Variants in NADK observed in about 807,000 individuals in gnomAD.
The protein encoded by NADK is NAD kinase.
In NADK, 22 loss-of-function variants were observed where a neutral mutation model predicts 49.8. The ratio of observed to expected loss-of-function variants is 0.44; its 90% CI spans 0.32 to 0.63. NADK has a LOEUF of 0.63. Ranked by LOEUF, NADK falls within the 30% of genes least tolerant of loss-of-function variation. NADK has a pLI of 0.06. For missense variants in NADK, 438 were observed against 609.4 expected, an observed-to-expected ratio of 0.72 and a Z score of 2.96; for synonymous variants, 268 against 253.7, an observed-to-expected ratio of 1.06 and a Z score of -0.54.
intron 3 of NADK, among the ~76,000 whole-genome samples, 184 bp from the exon 4 acceptor site, chr1:1,757,494 T>C (rs1310795877): frequency 6.7e-6 from 1 of 150,314 alleles, no homozygotes. Flanking sequence ...CAGGGGTCAG[T>C]AGGGTCCGGA....
At chr1:1,753,796 G>A (rs544389116) in intron 10 of NADK, 147 bp from the exon 11 acceptor site, 16 of 828,658 alleles carry the variant, frequency 1.9e-5, no homozygotes, top group South Asian at 1.2e-4. Flanking sequence ...TACAGGCACC[G>A]GCCCAGCTCA....
chr1:1,752,968 T>A lies in NADK; in HGVS notation c.1277A>T (p.His426Leu). The change falls in exon 12 of 12, where the codon CAT becomes CTT. Residue 426 changes from histidine (H) to leucine (L), a missense_variant. Physicochemically the swap from His to Leu is moderately conservative, Grantham distance 99. Coordinates refer to ENST00000341426, the MANE Select transcript of NADK (RefSeq NM_023018.5). Reference sequence around the variant, plus strand: ...GGCTTGCTTCTTCCGGACGTTCCAATGCAGGCACTGGGCGAGGCTCTCAAA... The same window carrying A: ...GGCTTGCTTCTTCCGGACGTTCCAAAGCAGGCACTGGGCGAGGCTCTCAAA... ...DWFESLAQCL[H>L]WNVRKKQAHF... 1 of 1,601,192 alleles carries A rather than the reference T, an allele frequency of 6.2e-7. No homozygotes were observed. Among genetic ancestry groups the A allele is most frequent in the Non-Finnish European group, 8.5e-7 (1 of 1,174,388 alleles).
chr1:1,771,550 C>T (rs1294585226), intron 1 of NADK, among the ~76,000 whole-genome samples: 2 of 152,262 alleles, frequency 1.3e-5, no homozygotes, highest in South Asian at 2.1e-4. Flanking sequence ...GGAAACAGGA[C>T]GGCCAGCCCA....
chr1:1,755,628 G>T (rs368225031), intron 6 of NADK, 152 bp from the exon 7 acceptor site: 1 of 655,532 alleles, frequency 1.5e-6, no homozygotes, highest in African/African-American at 1.8e-5. Flanking sequence ...AGCGGAGGGG[G>T]ACGTCGCAGG....
Position 1,753,556 on chromosome 1 carries a change from G to A in NADK, c.1184+11C>T, listed in dbSNP as rs1447652932. The A allele has an allele frequency of 7.5e-6, 12 of 1,608,480 alleles. No homozygotes were observed. The highest frequency in any genetic ancestry group is 1.3e-5 in the African/African-American group (1 of 74,856). On this transcript the variant is annotated intron_variant, in intron 11 of 11. Coordinates refer to ENST00000341426, the MANE Select transcript of NADK (RefSeq NM_023018.5). ...TGGCAGGCAGCGCCCAGCCCGGCAT[G>A]CAGCCCACACCTGTCTCCATGGCGG...
At chr1:1,779,300 T>C (rs1029760433), upstream of NADK, 4 of 152,362 alleles carry the variant, frequency 2.6e-5, no homozygotes, top group Non-Finnish European at 2.9e-5. Flanking sequence ...GTAGTGTTTG[T>C]TGGAACTGCG....
intron 3 of NADK, chr1:1,758,282 C>T (rs1293511590): frequency 2.7e-6 from 4 of 1,495,532 alleles, no homozygotes; most frequent in Non-Finnish European, 3.6e-6. Context: ...CCCCCAGAAC[C>T]ACAACACAGA....
At chr1:1,776,581 C>T (rs554409466) in intron 1 of NADK, among the ~76,000 whole-genome samples, 1 of 152,158 alleles carries the variant, frequency 6.6e-6, no homozygotes, top group East Asian at 1.9e-4. Context: ...CGAGACAAGC[C>T]TGGCCAACAC....
At chr1:1,766,954 G>A (rs777766896) in intron 1 of NADK, among the ~76,000 whole-genome samples, 31 of 151,050 alleles carry the variant, frequency 2.1e-4, no homozygotes, top group Non-Finnish European at 3.7e-4. Context: ...TCACTCTGTC[G>A]CCCACGCTGG....
intron 1 of NADK, among the ~76,000 whole-genome samples, chr1:1,774,623 C>T (rs1156470025): frequency 1.3e-5 from 2 of 151,704 alleles, no homozygotes; most frequent in Non-Finnish European, 2.9e-5. Context: ...CACCATTGTG[C>T]CTCGGCCTCC....
rs1295981308 is a variant in NADK, at chr1:1,778,308, C to G, written c.-60G>C. 2 of 151,332 alleles carry G rather than the reference C, an allele frequency of 1.3e-5. No homozygotes were observed. The allele number at this position is 151,332 out of a possible 1,614,324, so 9.4% of individuals were successfully genotyped here. On this transcript the variant is annotated 5_prime_UTR_variant, in exon 1 of 12. Transcript: ENST00000341426. The surrounding 1 kb of genome is among the most constrained non-coding windows in gnomAD (Gnocchi z 4.9). ...ACTCACCGTTCGCTGCCGCGGGCGC[C>G]TGCGGGGGCGTCTACATGCCGGACC...
At chr1:1,765,537 AG>A in intron 1 of NADK, 91 bp from the exon 2 acceptor site, 2 of 645,930 alleles carry the variant, frequency 3.1e-6, no homozygotes, top group Non-Finnish European at 4.7e-6. Flanking sequence ...CATTTCATCA[AG>A]GGGAAAAAAT....
At chr1:1,755,908 A>C in intron 6 of NADK, 1 of 468,892 alleles carries the variant, frequency 2.1e-6, no homozygotes, top group East Asian at 3.8e-5. Flanking sequence ...GTGGCCCTAC[A>C]GCCCCAGGGG....
At chr1:1,753,512 C>A in intron 11 of NADK, 55 bp downstream of exon 11, 1 of 1,499,748 alleles carries the variant, frequency 6.7e-7, no homozygotes. Flanking sequence ...GCAGGCGCTG[C>A]CTGGCCCGGG....
At chr1:1,759,002 G>A in intron 3 of NADK, 1 of 1,384,332 alleles carries the variant, frequency 7.2e-7, no homozygotes. Flanking sequence ...CGGCCCAAGG[G>A]CGTGCAGGTG....
In NADK at chr1:1,760,007, G is replaced by A. The variant is rs907619202; in HGVS notation, c.263+1945C>T. 14 of 1,247,664 alleles carry A rather than the reference G, an allele frequency of 1.1e-5. No homozygotes were observed. The East Asian group carries it at 1.5e-4, about 14-fold the overall frequency. The allele number at this position is 1,247,664 out of a possible 1,614,324, so 77.3% of individuals were successfully genotyped here. On this transcript the variant is annotated intron_variant, in intron 3 of 11. Transcript: ENST00000341426. ...CAGGATGGCGGGACAGAGCCACGGC[G>A]GGGCCGGGAGGGCAGTGGAGCACTC...
chr1:1,758,038 C>T (rs1375606224), intron 3 of NADK, among the ~76,000 whole-genome samples: 2 of 152,214 alleles, frequency 1.3e-5, no homozygotes, highest in Non-Finnish European at 2.9e-5. Flanking sequence ...ACATCCCAGC[C>T]CAGAACCGGG....
intron 4 of NADK, 174 bp from the exon 5 acceptor site, chr1:1,756,782 T>G: frequency 2.6e-6 from 3 of 1,152,754 alleles, no homozygotes; most frequent in Non-Finnish European, 3.9e-6. Context: ...GCAGGACCTT[T>G]AAGAGATGAC....
intron 1 of NADK, among the ~76,000 whole-genome samples, chr1:1,774,772 C>T (rs1646162811): frequency 6.6e-6 from 1 of 152,134 alleles, no homozygotes; most frequent in South Asian, 2.1e-4. Context: ...CTAGCTGCAC[C>T]AAAGTGCATT....
Sources: gnomAD v4.1 joint callset for allele counts (sites outside exome capture counted in the v4.1 genomes callset) on GRCh38, gnomAD v4.1.1 for gene constraint, Gnocchi (gnomAD v3.1) non-coding constraint, MANE v1.5 for transcripts, NCBI Gene and HGNC (gene_info 2026-07-23, HGNC 2026-07-21) for gene names.